NOS2: variants seen among roughly 807,000 people sequenced by gnomAD.
The protein encoded by NOS2 is nitric oxide synthase, inducible.
A neutral mutation model predicts 136.0 loss-of-function variants in NOS2; 96 were observed. That is an observed-to-expected ratio of 0.71 (90% confidence interval 0.60 to 0.84). The LOEUF is 0.84. Ranked by LOEUF, NOS2 falls within the 40% of genes least tolerant of loss-of-function variation. NOS2 has a pLI of 0.00. For synonymous variants in NOS2, 539 were observed against 587.5 expected, an observed-to-expected ratio of 0.92 and a Z score of 1.20; for missense variants, 1,237 against 1,496.9, an observed-to-expected ratio of 0.83 and a Z score of 2.87.
At chr17:27,799,848 A>AGGAAAGGAAGGAAAGAG (rs1161750630) in intron 1 of NOS2, among the ~76,000 whole-genome samples, 1 of 152,018 alleles carries the variant, frequency 6.6e-6, no homozygotes, top group South Asian at 2.1e-4. Flanking sequence ...AAGGACAGGA[A>AGGAAAGGAAGGAAAGAG]GGAAAGGAAG....
intron 18 of NOS2, among the ~76,000 whole-genome samples, chr17:27,767,265 G>A (rs1188560050): frequency 2.6e-5 from 4 of 152,198 alleles, no homozygotes; most frequent in Non-Finnish European, 4.4e-5. Context: ...GCCTGGAATC[G>A]CCTCTGTGAC....
At position 27,776,998 on chromosome 17, in the gene NOS2, G is replaced by A. The variant is rs114277482; in HGVS notation, c.1281+1692C>T. 5.7e-3 allele frequency among the ~76,000 whole-genome samples: 872 copies of A among 152,280 alleles called. 8 individuals are homozygous for A. Among genetic ancestry groups the A allele is most frequent in the African/African-American group, 0.02 (834 of 41,558 alleles). On this transcript the variant is annotated intron_variant, in intron 11 of 26. Coordinates refer to ENST00000313735, the MANE Select transcript of NOS2 (RefSeq NM_000625.4). ...GACAGCAGAGGCTCACAGATTTTCT[G>A]GGACGTATCCACATCCTGCCAGCAT...
rs1370002072 is a variant in NOS2 at position 27,778,567 on chromosome 17, G to GC, written c.1281+122dup. On this transcript the variant is annotated intron_variant, in intron 11 of 26. Transcript: ENST00000313735. The stretch of plus-strand genomic sequence containing the variant: ...GAACAGTCTTGGGAGGTGAGGAGCT[G>GC]CCTGTTGCTGGACCTCTAGAGTGAG... 8.8e-5 allele frequency: 65 copies of GC among 739,190 alleles called. No individual in the cohort carries two copies. The South Asian group carries it at 1.0e-3, about 12-fold the overall frequency. The allele number at this position is 739,190 out of a possible 1,614,324, so 45.8% of individuals were successfully genotyped here.
intron 12 of NOS2, 70 bp downstream of exon 12, chr17:27,774,187 T>TGCAC: frequency 9.1e-7 from 1 of 1,101,784 alleles, no homozygotes; most frequent in South Asian, 2.7e-5. Context: ...AACAATGAGG[T>TGCAC]GCACACACAC....
chr17:27,784,469 T>C (rs537827701), intron 5 of NOS2, among the ~76,000 whole-genome samples: 2 of 152,268 alleles, frequency 1.3e-5, no homozygotes, highest in African/African-American at 4.8e-5. Context: ...TCCAGCAATA[T>C]TCCCCCCTCT....
intron 15 of NOS2, 106 bp downstream of exon 15, chr17:27,770,807 T>TGAC: frequency 1.3e-6 from 1 of 763,426 alleles, no homozygotes; most frequent in South Asian, 1.6e-5. Flanking sequence ...GCCTGAGCAC[T>TGAC]GACTCCCAAA....
chr17:27,780,945 G>C, intron 8 of NOS2, 39 bp from the exon 9 acceptor site: 1 of 1,599,824 alleles, frequency 6.3e-7, no homozygotes, highest in South Asian at 1.1e-5. Context: ...TGTAAGCCCG[G>C]GCTGCGTGTC....
At position 27,769,169 on chromosome 17, in the gene NOS2, C is replaced by T. The variant is rs2151327543; in HGVS notation, c.1860-18G>A. 1 of 1,596,696 alleles carries T rather than the reference C, an allele frequency of 6.3e-7. No homozygotes were observed. The highest frequency in any genetic ancestry group is 1.1e-5 in the South Asian group (1 of 89,146). ...CAGCGTACCTGCCCGAGGACACACA[C>T]AGAGACACATGTCCCATGCAAGCAG... is the stretch of plus-strand genomic sequence containing the variant. On this transcript the variant is annotated intron_variant, in intron 16 of 26. Transcript: ENST00000313735.
Position 27,798,830 on chromosome 17 carries a change from G to GGTCACTTAT in NOS2, c.-30_-22dup. ...GCCATCTCTATGGCTTTACAAAGCA[G>GGTCACTTAT]GTCACTTATGTCACTTATCTGGATT... On this transcript the variant is annotated 5_prime_UTR_variant, in exon 2 of 27. Coordinates refer to ENST00000313735, the MANE Select transcript of NOS2 (RefSeq NM_000625.4). 7.0e-7 allele frequency: 1 copy of GGTCACTTAT among 1,437,276 alleles called. No homozygotes were observed. The highest frequency in any genetic ancestry group is 1.1e-5 in the South Asian group (1 of 87,596). 89.0% of individuals were successfully genotyped at this position (1,437,276 alleles called of 1,614,324 possible).
intron 24 of NOS2, 124 bp from the exon 25 acceptor site, chr17:27,760,302 T>C: frequency 2.0e-6 from 2 of 1,005,908 alleles, no homozygotes; most frequent in Non-Finnish European, 2.8e-6. Flanking sequence ...ACTTTACAGA[T>C]GAGGAAACTG....
At chr17:27,771,804 A>C (rs1251442055) in intron 14 of NOS2, among the ~76,000 whole-genome samples, 2 of 152,234 alleles carry the variant, frequency 1.3e-5, no homozygotes, top group Non-Finnish European at 2.9e-5. Context: ...CCCCAAGGGC[A>C]AGGCCTGGCT....
Position 27,793,583 on chromosome 17 carries a change from G to C in NOS2, c.111-3895C>G, listed in dbSNP as rs1204189910. 3.3e-5 allele frequency: 13 copies of C among 397,408 alleles called. No homozygotes were observed. In the East Asian group the frequency reaches 4.3e-4, roughly 13 times the overall value. 24.6% of individuals were successfully genotyped at this position (397,408 alleles called of 1,614,324 possible). On this transcript the variant is annotated intron_variant, in intron 2 of 26. Coordinates refer to ENST00000313735, the MANE Select transcript of NOS2 (RefSeq NM_000625.4). ...TCCCAGGGCGGACTTCGGCCCGCGG[G>C]GTACCTGGCTCTGCGCGGGCAGCAG...
At chr17:27,775,187 C>A (rs901312790) in intron 11 of NOS2, among the ~76,000 whole-genome samples, 1 of 152,208 alleles carries the variant, frequency 6.6e-6, no homozygotes, top group African/African-American at 2.4e-5. Context: ...TGGCCAGGTG[C>A]AGTGGCTCAT....
intron 15 of NOS2, 78 bp from the exon 16 acceptor site, chr17:27,769,662 G>C (rs867711305): frequency 1.6e-6 from 2 of 1,284,278 alleles, no homozygotes; most frequent in African/African-American, 2.9e-5. Context: ...CTGGAAACCT[G>C]GCCACAGCTT....
chr17:27,796,393 T>C (rs1909357376), intron 2 of NOS2, among the ~76,000 whole-genome samples: 1 of 152,188 alleles, frequency 6.6e-6, no homozygotes, highest in Admixed American at 6.5e-5. Context: ...GAGGTTGCAG[T>C]GCAGTGAGCT....
In NOS2 at chr17:27,800,525, G is replaced by A. The variant is rs1441251834; in HGVS notation, c.-260C>T. ...GCCTCAGTTTTCGACTCGCTACAAA[G>A]TTATGAACACACTGGCAGCCAAGAA... On this transcript the variant is annotated 5_prime_UTR_variant, in exon 1 of 27. Transcript: ENST00000313735. The A allele has an allele frequency of 1.3e-5, 2 of 150,734 alleles. No homozygotes were observed. Among genetic ancestry groups the A allele is most frequent in the Non-Finnish European group, 3.0e-5 (2 of 67,752 alleles). 9.3% of individuals were successfully genotyped at this position (150,734 alleles called of 1,614,324 possible).
intron 5 of NOS2, among the ~76,000 whole-genome samples, chr17:27,785,935 G>GCAACA (rs1485155722): frequency 1.5e-5 from 2 of 137,092 alleles, no homozygotes; most frequent in African/African-American, 5.6e-5. Context: ...TCCAGCCTGG[G>GCAACA]AGACAGAGCA....
At chr17:27,799,304 T>A (rs1909456375) in intron 1 of NOS2, among the ~76,000 whole-genome samples, 1 of 152,238 alleles carries the variant, frequency 6.6e-6, no homozygotes, top group Non-Finnish European at 1.5e-5. Flanking sequence ...CATTATCAAC[T>A]GTAGTTTTAG....
At chr17:27,758,136 G>C (rs980777144) in intron 26 of NOS2, among the ~76,000 whole-genome samples, 1 of 152,184 alleles carries the variant, frequency 6.6e-6, no homozygotes, top group African/African-American at 2.4e-5. Flanking sequence ...ATTTTTGCCT[G>C]ATTCATTTAC....
Sources: allele counts gnomAD v4.1 joint callset (sites outside exome capture counted in the v4.1 genomes callset), GRCh38; gene constraint gnomAD v4.1.1; transcripts MANE v1.5; gene names NCBI Gene and HGNC (gene_info 2026-07-23, HGNC 2026-07-21).